The following ARID3A variants were observed in gnomAD, a reference collection of about 807,000 sequenced individuals.
ARID3A encodes AT-rich interaction domain 3A, also known as AT-rich interactive domain-containing protein 3A.
Under a neutral mutation model 52.7 loss-of-function variants are expected in ARID3A, and 11 were observed. The observed-to-expected ratio is 0.21, with a 90% CI of 0.13 to 0.35. The LOEUF (loss-of-function observed/expected upper bound fraction) is 0.35. Among genes scored for constraint, ARID3A ranks in the 10% least tolerant of loss-of-function variants. The pLI, the probability that ARID3A is intolerant of heterozygous loss-of-function variation, is 1.00. For missense variants in ARID3A, 721 were observed against 838.5 expected (o/e 0.86, Z 1.73); for synonymous variants, 404 against 359.4 (o/e 1.12, Z -1.40).
rs138016982 is a variant in ARID3A, at chr19:950,562, C to T, written c.694-9530C>T. 5.6e-4 allele frequency among the ~76,000 whole-genome samples: 86 copies of T among 152,274 alleles called. 1 individual carries two copies. In the South Asian group the frequency reaches 0.011, roughly 19 times the overall value. On this transcript the variant is annotated intron_variant, in intron 3 of 8. Coordinates refer to ENST00000263620, the MANE Select transcript of ARID3A (RefSeq NM_005224.3). ...AGATGGCTGTAGCCATGTGGAGGCG[C>T]GCGTGGGGACCGGCAGGCAGGCAGG...
At position 971,897 on chromosome 19, in the gene ARID3A, G is replaced by A. The variant is rs201358067; in HGVS notation, c.1614G>A (p.Pro538=). ...CCTTAGGAGTTCTGTTTGCTCAGCC[G>A]CCGGCCCCCACGCCAACCTCTGCTC... ...IMYTGVLFAQ[P]PAPTPTSAPN... Residue 538 remains proline, a synonymous_variant, in exon 9 of 9, where the codon CCG becomes CCA. Transcript: ENST00000263620. The A allele has an allele frequency of 1.9e-5, 30 of 1,602,058 alleles. No homozygotes were observed. The highest frequency in any genetic ancestry group is 1.7e-4 in the Middle Eastern group (1 of 6,030).
At chr19:933,553 A>G (rs998322331) in intron 3 of ARID3A, among the ~76,000 whole-genome samples, 3 of 152,110 alleles carry the variant, frequency 2.0e-5, no homozygotes, top group Non-Finnish European at 2.9e-5. Flanking sequence ...GGGCTCCCGC[A>G]GGGAGGTGGA....
At chr19:953,778 T>C (rs1327360260) in intron 3 of ARID3A, among the ~76,000 whole-genome samples, 5 of 152,044 alleles carry the variant, frequency 3.3e-5, no homozygotes, top group South Asian at 4.2e-4. Context: ...GCGTTTTACA[T>C]AGAAAGACGC....
chr19:968,048 A>AC (rs1488968233), intron 7 of ARID3A, among the ~76,000 whole-genome samples: 1 of 149,182 alleles, frequency 6.7e-6, no homozygotes, highest in Non-Finnish European at 1.5e-5. Context: ...CCGTCTCAAA[A>AC]AAAAAAAAAA....
At position 972,095 on chromosome 19, in the gene ARID3A, T is replaced by C; in HGVS notation, c.*30T>C. ...ATCACTCCCCACCCGCCACCCACCC[T>C]GGAGCCCGCCGGCCTGGGCAGGGGG... is the stretch of plus-strand genomic sequence containing the variant. On this transcript the variant is annotated 3_prime_UTR_variant, in exon 9 of 9. Coordinates refer to ENST00000263620, the MANE Select transcript of ARID3A (RefSeq NM_005224.3). The C allele has an allele frequency of 4.7e-6, 7 of 1,500,410 alleles. No homozygotes were observed. Among genetic ancestry groups the C allele is most frequent in the Non-Finnish European group, 6.2e-6 (7 of 1,128,478 alleles). The allele number at this position is 1,500,410 out of a possible 1,614,324, so 92.9% of individuals were successfully genotyped here. A position where few individuals can be genotyped will look rare whatever the true frequency, so the allele number is the denominator to read the frequency against.
In ARID3A at chr19:944,264, C is replaced by CT. The variant is rs1370148563; in HGVS notation, c.693+11522_693+11523insT. Among the ~76,000 whole-genome samples the CT allele has an allele frequency of 2.0e-5, 3 of 151,892 alleles. No individual in the cohort carries two copies. Among genetic ancestry groups the CT allele is most frequent in the Non-Finnish European group, 4.4e-5 (3 of 68,028 alleles). ...AGCGCGGTGGAGGGCGGGCCTGTCT[C>CT]GCCGTTATCTCCCAGGCGTGTCTGC... On this transcript the variant is annotated intron_variant, in intron 3 of 8. Coordinates refer to ENST00000263620, the MANE Select transcript of ARID3A (RefSeq NM_005224.3). This position sits in a 1 kb window ranked among gnomAD's most constrained non-coding sequence, Gnocchi z 5.9.
At chr19:949,556 T>C (rs2145412367) in intron 3 of ARID3A, among the ~76,000 whole-genome samples, 1 of 152,114 alleles carries the variant, frequency 6.6e-6, no homozygotes, top group Middle Eastern at 3.4e-3. Context: ...GCCATCCTCC[T>C]GCCTCGGCCT....
At position 929,728 on chromosome 19, in the gene ARID3A, C is replaced by A; in HGVS notation, c.200C>A (p.Ala67Asp). 6.4e-7 allele frequency: 1 copy of A among 1,560,040 alleles called. No individual in the cohort carries two copies. Residue 67 changes from alanine (A) to aspartate (D), a missense_variant, in exon 2 of 9, where the codon GCT becomes GAT. By Grantham distance (126) the Ala-to-Asp change is moderately radical. Transcript: ENST00000263620. The surrounding 1 kb of genome is among the most constrained non-coding windows in gnomAD (Gnocchi z 6.2). ...ATGGCCGCACTGGCAGCCATGCGGGCTGCAGCTGCGGGCCTGGGACACCCA... is the reference window on the plus strand; with the variant it reads ...ATGGCCGCACTGGCAGCCATGCGGGATGCAGCTGCGGGCCTGGGACACCCA... ...AQMAALAAMR[A>D]AAAGLGHPAS... is the part of the protein sequence containing the mutation.
At chr19:939,650 C>T (rs1183440134) in intron 3 of ARID3A, among the ~76,000 whole-genome samples, 2 of 152,086 alleles carry the variant, frequency 1.3e-5, no homozygotes, top group Non-Finnish European at 2.9e-5. Flanking sequence ...CTTCGAGGAG[C>T]TGTTTATCTT....
At position 960,108 on chromosome 19, in the gene ARID3A, G is replaced by A; in HGVS notation, c.710G>A (p.Gly237Glu). The change falls in exon 4 of 9, where the codon GGG (glycine) becomes GAG (glutamate). Residue 237 changes from glycine (G) to glutamate (E), a missense_variant. Gly to Glu is a moderately conservative substitution (Grantham distance 98, BLOSUM62 -2). Around this residue, in one of 5 missense-constraint regions of ARID3A, gnomAD observed 27 missense variants for 35.7 expected, o/e 0.76. Coordinates refer to ENST00000263620, the MANE Select transcript of ARID3A (RefSeq NM_005224.3). This position sits in a 1 kb window ranked among gnomAD's most constrained non-coding sequence, Gnocchi z 4.3. ...CCCTCACAGCTCTACGAACTCGACG[G>A]GGACCCCAAGAGGAAGGAATTCCTG... ...EQFKQLYELD[G>E]DPKRKEFLDD... 6.2e-7 allele frequency: 1 copy of A among 1,613,164 alleles called. No individual in the cohort carries two copies. Among genetic ancestry groups the A allele is most frequent in the Non-Finnish European group, 8.5e-7 (1 of 1,179,512 alleles).
At chr19:928,676 A>AT (rs1434950522) in intron 1 of ARID3A, 2 of 152,172 alleles carry the variant, frequency 1.3e-5, no homozygotes, top group Non-Finnish European at 2.9e-5. Flanking sequence ...AACTCGATTC[A>AT]TCCCTCCTTG....
Position 972,487 on chromosome 19 carries a change from C to T in ARID3A, c.*422C>T, listed in dbSNP as rs2038300067. ...ATCCTGTTTACCTCATACATCCCTG[C>T]ACTGTGTGTTTTCATTTTTGTCTGC... On this transcript the variant is annotated 3_prime_UTR_variant, in exon 9 of 9. Transcript: ENST00000263620. 4.6e-6 allele frequency: 1 copy of T among 216,196 alleles called. No individual in the cohort carries two copies. Among genetic ancestry groups the T allele is most frequent in the South Asian group, 1.9e-4 (1 of 5,392 alleles). 13.4% of individuals were successfully genotyped at this position (216,196 alleles called of 1,614,324 possible).
At chr19:968,842 ATT>A in intron 8 of ARID3A, 1 of 183,594 alleles carries the variant, frequency 5.4e-6, no homozygotes, top group Non-Finnish European at 1.1e-5. Flanking sequence ...TGCTCTTTAA[ATT>A]TTAAATTGCT....
intron 3 of ARID3A, among the ~76,000 whole-genome samples, chr19:954,918 G>T (rs990013618): frequency 6.6e-6 from 1 of 152,188 alleles, no homozygotes; most frequent in African/African-American, 2.4e-5. Context: ...GAGGTCAGGC[G>T]GCGTGGAGGG....
chr19:966,661 G>A lies in ARID3A; in HGVS notation c.1288G>A (p.Val430Met). Residue 430 changes from valine to methionine, a missense_variant, in exon 7 of 9, where the codon GTG (valine) becomes ATG (methionine). Physicochemically the swap from Val to Met is conservative, Grantham distance 21. Transcript: ENST00000263620. ...TGTGGTGGCAGCCCAGGCAGCAGCT[G>A]TGCAAGCAGCAGCCGCCCAAGCAGC... Reference protein sequence around the residue: ...HPVVAAQAAAVQAAAAQAAVA... With the variant: ...HPVVAAQAAAMQAAAAQAAVA... 3 of 1,609,980 alleles carry A rather than the reference G, an allele frequency of 1.9e-6. No homozygotes were observed. The highest frequency in any genetic ancestry group is 1.7e-5 in the Admixed American group (1 of 59,922).
At chr19:971,629 A>T (rs577274791) in intron 8 of ARID3A, among the ~76,000 whole-genome samples, 31 of 152,186 alleles carry the variant, frequency 2.0e-4, no homozygotes, top group African/African-American at 7.2e-4. Flanking sequence ...AAAACAAAAA[A>T]ATAAAAAATT....
At chr19:946,737 G>A (rs558252922) in intron 3 of ARID3A, among the ~76,000 whole-genome samples, 20 of 151,596 alleles carry the variant, frequency 1.3e-4, no homozygotes, top group Admixed American at 8.5e-4. Context: ...CACCGTCCCC[G>A]GCTAATGTTT....
Position 959,312 on chromosome 19 carries a change from C to T in ARID3A, c.694-780C>T, listed in dbSNP as rs1041878654. 3.3e-5 allele frequency among the ~76,000 whole-genome samples: 5 copies of T among 152,130 alleles called. No individual in the cohort carries two copies. The highest frequency in any genetic ancestry group is 1.3e-4 in the Admixed American group (2 of 15,260). ...TTTTAGAGACAGGGTTGCGTTCTGT[C>T]GCCCAGGCTGGAGTGCAGTGGTGCG... On this transcript the variant is annotated intron_variant, in intron 3 of 8. Coordinates refer to ENST00000263620, the MANE Select transcript of ARID3A (RefSeq NM_005224.3). The surrounding 1 kb of genome is among the most constrained non-coding windows in gnomAD (Gnocchi z 5.0).
rs1055276612 is a variant in ARID3A, at chr19:964,683, CA to C, written c.951-147del. ...ACAGCATTGAGATGGAGGGAATGGGCAAAGGCCCAGCAGCTCTGGGGGCTGC... is the reference window on the plus strand; with the variant it reads ...ACAGCATTGAGATGGAGGGAATGGGCAAGGCCCAGCAGCTCTGGGGGCTGC... On this transcript the variant is annotated intron_variant, in intron 5 of 8. Transcript: ENST00000263620. The surrounding 1 kb of genome is among the most constrained non-coding windows in gnomAD (Gnocchi z 5.7). 7.3e-6 allele frequency: 10 copies of C among 1,363,726 alleles called. No homozygotes were observed. In the African/African-American group the frequency reaches 1.3e-4, roughly 18 times the overall value. 84.5% of individuals were successfully genotyped at this position (1,363,726 alleles called of 1,614,324 possible). A position where few individuals can be genotyped will look rare whatever the true frequency, so the allele number is the denominator to read the frequency against.
Sources: allele counts gnomAD v4.1 joint callset (sites outside exome capture counted in the v4.1 genomes callset), GRCh38; gene constraint gnomAD v4.1.1; regional missense constraint gnomAD v4.1.1; non-coding constraint Gnocchi (gnomAD v3.1); transcripts MANE v1.5; gene names NCBI Gene and HGNC (gene_info 2026-07-23, HGNC 2026-07-21).